ARMC9: variants seen among roughly 807,000 people sequenced by gnomAD.
ARMC9 encodes the protein armadillo repeat containing 9, also known as lisH domain-containing protein ARMC9.
In ARMC9, 94 loss-of-function variants were observed where a neutral mutation model predicts 107.0. The ratio of observed to expected loss-of-function variants is 0.88; its 90% CI spans 0.74 to 1.04. The LOEUF is 1.04. Ranked by LOEUF, ARMC9 falls within the 50% of genes least tolerant of loss-of-function variation. The probability of loss-of-function intolerance (pLI) is 0.00; values close to 1 mark genes in which losing one functional copy is unlikely to be tolerated. For missense variants in ARMC9, 942 were observed against 1,030.1 expected (o/e 0.91, Z 1.17); for synonymous variants, 380 against 396.9 (o/e 0.96, Z 0.51).
rs1421789162 is a variant in ARMC9, at chr2:231,371,867, T to G, written c.*332T>G. The G allele has an allele frequency of 3.6e-6, 1 of 273,992 alleles. No homozygotes were observed. The highest frequency in any genetic ancestry group is 6.8e-6 in the Non-Finnish European group (1 of 146,802). The allele number at this position is 273,992 out of a possible 1,614,324, so 17.0% of individuals were successfully genotyped here. On this transcript the variant is annotated 3_prime_UTR_variant, in exon 25 of 25. Transcript: ENST00000611582. Reference sequence around the variant, plus strand: ...ATCTTCTGGCCCCAGAAACAGCAGGTGCTGGATTTGCAGCCCTGGCCCTCC... The same window carrying G: ...ATCTTCTGGCCCCAGAAACAGCAGGGGCTGGATTTGCAGCCCTGGCCCTCC...
intron 22 of ARMC9, among the ~76,000 whole-genome samples, chr2:231,357,914 T>C (rs567661221): frequency 1.7e-4 from 26 of 152,272 alleles, no homozygotes; most frequent in Admixed American, 3.3e-4. Flanking sequence ...AAAAAGTTCT[T>C]CCTTTGGAAA....
intron 20 of ARMC9, among the ~76,000 whole-genome samples, chr2:231,343,726 C>G (rs1025418279): frequency 1.3e-5 from 2 of 152,096 alleles, no homozygotes; most frequent in Non-Finnish European, 2.9e-5. Context: ...CCACCCTAAT[C>G]ATGTTAAGGT....
chr2:231,233,929 T>G (rs1467225123), intron 7 of ARMC9, among the ~76,000 whole-genome samples: 2 of 152,250 alleles, frequency 1.3e-5, no homozygotes, highest in African/African-American at 4.8e-5. Flanking sequence ...TTTTTAAATT[T>G]AATCTTCACA....
intron 10 of ARMC9, among the ~76,000 whole-genome samples, chr2:231,257,976 G>GGGT (rs944535141): frequency 2.0e-5 from 3 of 152,094 alleles, no homozygotes; most frequent in Non-Finnish European, 4.4e-5. Context: ...GACCGAAGGT[G>GGGT]GGTGGCAGGG....
chr2:231,207,198 G>A (rs2032141564), intron 2 of ARMC9, among the ~76,000 whole-genome samples: 2 of 152,048 alleles, frequency 1.3e-5, no homozygotes, highest in South Asian at 2.1e-4. Context: ...TGTAGAGATA[G>A]GATCTCACTC....
chr2:231,208,153 C>T lies in ARMC9; in HGVS notation c.78C>T (p.Asp26=). 1.3e-6 allele frequency: 2 copies of T among 1,565,100 alleles called. No individual in the cohort carries two copies. Among genetic ancestry groups the T allele is most frequent in the South Asian group, 2.3e-5 (2 of 87,872 alleles). The change falls in exon 3 of 25, where the codon GAC becomes GAT. Residue 26 remains aspartate, a synonymous_variant. Transcript: ENST00000611582. ...ATTTAGATTTTGCTGAATTTGAAGA[C>T]ACCTTGAAAACATTTTCAAAAGAAT... ...KEYLDFAEFE[D]TLKTFSKECK...
intron 19 of ARMC9, among the ~76,000 whole-genome samples, chr2:231,324,454 TAAAA>T (rs148497346): frequency 7.7e-6 from 1 of 129,426 alleles, no homozygotes; most frequent in African/African-American, 2.8e-5. Flanking sequence ...TTGTTTTAAT[TAAAA>T]AAAAAAAAAA....
chr2:231,199,772 T>G (rs950070331), intron 1 of ARMC9, among the ~76,000 whole-genome samples: 1 of 152,136 alleles, frequency 6.6e-6, no homozygotes, highest in Non-Finnish European at 1.5e-5. Context: ...CTCGGCTCAC[T>G]GCAACCTCCA....
chr2:231,203,271 CCCCAGGTTTTCGTTGA>C (rs1484009504), intron 1 of ARMC9, among the ~76,000 whole-genome samples: 1 of 152,166 alleles, frequency 6.6e-6, no homozygotes, highest in South Asian at 2.1e-4. Context: ...AACAGTCCTT[CCCCAGGTTTTCGTTGA>C]CTCAGCAAAT....
intron 18 of ARMC9, among the ~76,000 whole-genome samples, chr2:231,293,035 G>A (rs749919591): frequency 6.0e-4 from 92 of 152,230 alleles, no homozygotes; most frequent in Middle Eastern, 6.8e-3. Context: ...GGTGTCCAAG[G>A]GGCTCCCGAT....
rs1013758613 is a variant in ARMC9, at chr2:231,283,268, G to A, written c.1626+1135G>A. Among the ~76,000 whole-genome samples the A allele has an allele frequency of 2.6e-5, 4 of 152,150 alleles. No homozygotes were observed. In the East Asian group the frequency reaches 7.7e-4, roughly 29 times the overall value. On this transcript the variant is annotated intron_variant, in intron 17 of 24. Transcript: ENST00000611582. ...AAGGAGACGAATGTGAGCAAATGGGGCGGAAAAATGATTGAATAAATAATG... is the reference window on the plus strand; with the variant it reads ...AAGGAGACGAATGTGAGCAAATGGGACGGAAAAATGATTGAATAAATAATG...
chr2:231,279,973 C>T (rs1244881526), intron 16 of ARMC9, among the ~76,000 whole-genome samples: 1 of 152,182 alleles, frequency 6.6e-6, no homozygotes, highest in Non-Finnish European at 1.5e-5. Flanking sequence ...GAACTACTTC[C>T]AGGCCTGAAT....
chr2:231,281,138 G>A (rs1010734287), intron 16 of ARMC9, among the ~76,000 whole-genome samples: 2 of 150,842 alleles, frequency 1.3e-5, no homozygotes, highest in Non-Finnish European at 3.0e-5. Flanking sequence ...ATAATAAAGG[G>A]GACATAGTGT....
chr2:231,231,426 C>T (rs969947955), intron 7 of ARMC9, among the ~76,000 whole-genome samples: 14 of 152,150 alleles, frequency 9.2e-5, no homozygotes, highest in Non-Finnish European at 1.9e-4. Flanking sequence ...CGCTGTTGCC[C>T]AGGCTGGAGT....
At chr2:231,258,963 T>C (rs1318340283) in intron 10 of ARMC9, 28 bp from the exon 11 acceptor site, 1 of 1,583,162 alleles carries the variant, frequency 6.3e-7, no homozygotes, top group Admixed American at 1.7e-5. Context: ...GCCCTTTTCT[T>C]TCTCTTTGAA....
At chr2:231,266,539 A>G (rs544307119) in intron 12 of ARMC9, among the ~76,000 whole-genome samples, 1 of 152,236 alleles carries the variant, frequency 6.6e-6, no homozygotes, top group African/African-American at 2.4e-5. Flanking sequence ...TGTGCCATCC[A>G]TCTCCATAAA....
chr2:231,343,487 C>A (rs1033532693), intron 20 of ARMC9, among the ~76,000 whole-genome samples: 17 of 152,002 alleles, frequency 1.1e-4, no homozygotes, highest in Admixed American at 3.9e-4. Flanking sequence ...AGTTCCCAGG[C>A]GCCCTTCACA....
At chr2:231,231,031 T>C (rs970442215) in intron 7 of ARMC9, among the ~76,000 whole-genome samples, 1 of 152,210 alleles carries the variant, frequency 6.6e-6, no homozygotes, top group African/African-American at 2.4e-5. Context: ...TGCCACACTT[T>C]GAAATTGTCA....
At chr2:231,296,636 C>G (rs925591161) in intron 19 of ARMC9, among the ~76,000 whole-genome samples, 12 of 152,190 alleles carry the variant, frequency 7.9e-5, no homozygotes, top group Non-Finnish European at 5.9e-5. Flanking sequence ...TGGCGAGAGT[C>G]TCTGGCGTGA....
Sources: gnomAD v4.1 joint callset for allele counts (sites outside exome capture counted in the v4.1 genomes callset) on GRCh38, gnomAD v4.1.1 for gene constraint, MANE v1.5 for transcripts, NCBI Gene and HGNC (gene_info 2026-07-23, HGNC 2026-07-21) for gene names.